The following PCNX2 variants were observed in gnomAD, a reference collection of about 807,000 sequenced individuals.
PCNX2 encodes the protein pecanex-like protein 2.
In PCNX2, 168 loss-of-function variants were observed where a neutral mutation model predicts 223.8. The observed-to-expected ratio is 0.75, with a 90% CI of 0.66 to 0.85. PCNX2 has a LOEUF of 0.85. PCNX2 is among the 40% of genes least tolerant of loss of function. PCNX2 has a pLI of 0.00. For synonymous variants in PCNX2, 1,006 were observed against 1,052.6 expected (o/e 0.96, Z 0.86); for missense variants, 2,507 against 2,675.5 (o/e 0.94, Z 1.39).
At chr1:233,268,492 C>T (rs186868778) in intron 1 of PCNX2, among the ~76,000 whole-genome samples, 301 of 152,250 alleles carry the variant, frequency 2.0e-3, no homozygotes, top group Admixed American at 5.7e-3. Context: ...CTTTATCACT[C>T]GGCTTTCACA....
intron 21 of PCNX2, chr1:233,112,877 G>A (rs761973158): frequency 4.3e-5 from 56 of 1,288,866 alleles, no homozygotes; most frequent in Non-Finnish European, 4.9e-5. Context: ...AGTTACTAGC[G>A]TGTATTTCAG....
At chr1:233,188,522 G>A (rs1347323590) in intron 15 of PCNX2, among the ~76,000 whole-genome samples, 1 of 152,066 alleles carries the variant, frequency 6.6e-6, no homozygotes, top group African/African-American at 2.4e-5. Flanking sequence ...GACCCACTCA[G>A]AGTAATCTCC....
chr1:233,324,857 G>C, the PCNX2 span, among the ~76,000 whole-genome samples: 39 of 152,144 alleles, frequency 2.6e-4, no homozygotes, highest in African/African-American at 9.4e-4. Flanking sequence ...CCAAAGTGCT[G>C]GGATTACAGG....
Position 233,198,921 on chromosome 1 carries a change from C to CATGGTCCTCA in PCNX2, c.3066+8_3066+17dup. 1 of 1,574,086 alleles carries CATGGTCCTCA rather than the reference C, an allele frequency of 6.4e-7. No individual in the cohort carries two copies. Among genetic ancestry groups the CATGGTCCTCA allele is most frequent in the Non-Finnish European group, 8.7e-7 (1 of 1,153,194 alleles). ...TAATGAATCGAGAAGGATGAGGGCC[C>CATGGTCCTCA]ATGGTCCTCACACCTACCTTCACTG... On this transcript the variant is annotated intron_variant, in intron 15 of 33. Coordinates refer to ENST00000258229, the MANE Select transcript of PCNX2 (RefSeq NM_014801.4).
At chr1:233,085,326 C>T (rs140084065) in intron 23 of PCNX2, among the ~76,000 whole-genome samples, 5 of 100,816 alleles carry the variant, frequency 5.0e-5, no homozygotes, top group Admixed American at 8.5e-5. Flanking sequence ...AGTGAGACTC[C>T]GTCTCAAAAA....
intron 5 of PCNX2, among the ~76,000 whole-genome samples, chr1:233,256,066 G>A (rs1659718043): frequency 6.6e-6 from 1 of 152,082 alleles, no homozygotes; most frequent in Admixed American, 6.5e-5. Context: ...CCTTCCTGCT[G>A]TACCTTCAAG....
At chr1:233,087,532 C>T (rs1055176136) in intron 23 of PCNX2, among the ~76,000 whole-genome samples, 2 of 152,160 alleles carry the variant, frequency 1.3e-5, no homozygotes, top group African/African-American at 4.8e-5. Flanking sequence ...CACTAAAACT[C>T]ATTAATGAGG....
rs190476716 is a variant in PCNX2 at position 233,143,751 on chromosome 1, C to T, written c.3518-3896G>A. ...TCCCTTCTTTTCTGTCTTCCATGCT[C>T]TTAATCACTTTTGCCTAAAAAATTA... On this transcript the variant is annotated intron_variant, in intron 19 of 33. Transcript: ENST00000258229. Among the ~76,000 whole-genome samples the T allele has an allele frequency of 5.1e-3, 784 of 152,248 alleles. 6 individuals carry two copies. Among genetic ancestry groups the T allele is most frequent in the Non-Finnish European group, 6.4e-3 (435 of 68,010 alleles).
At chr1:233,056,484 T>C (rs1233078247) in intron 24 of PCNX2, among the ~76,000 whole-genome samples, 1 of 152,236 alleles carries the variant, frequency 6.6e-6, no homozygotes, top group Non-Finnish European at 1.5e-5. Context: ...GTCCCACAGC[T>C]GCACCTCAGA....
At position 233,139,850 on chromosome 1, in the gene PCNX2, C is replaced by T. The variant is rs1251472752; in HGVS notation, c.3523G>A (p.Ala1175Thr). 6.2e-7 allele frequency: 1 copy of T among 1,611,110 alleles called. No homozygotes were observed. Among genetic ancestry groups the T allele is most frequent in the Non-Finnish European group, 8.5e-7 (1 of 1,178,880 alleles). The change falls in exon 20 of 34, where the codon GCC becomes ACC. Residue 1175 changes from alanine (A) to threonine (T), a missense_variant. This residue lies in a region of PCNX2 where 1,372 missense variants were observed against 1,509.4 expected (regional missense o/e 0.91). Coordinates refer to ENST00000258229, the MANE Select transcript of PCNX2 (RefSeq NM_014801.4). The surrounding 1 kb of genome is among the most constrained non-coding windows in gnomAD (Gnocchi z 4.4). Reference sequence around the variant, plus strand: ...AGTCTTTCGAACCACATTAAATGGGCAACATCTGAAAGAAATATAAAAACC... The same window carrying T: ...AGTCTTTCGAACCACATTAAATGGGTAACATCTGAAAGAAATATAAAAACC... ...EYHQREVRDV[A>T]HLMWFERLYV... is the part of the protein sequence containing the mutation.
chr1:232,996,459 G>A (rs1363087178), intron 32 of PCNX2, among the ~76,000 whole-genome samples: 1 of 152,106 alleles, frequency 6.6e-6, no homozygotes, highest in Non-Finnish European at 1.5e-5. Flanking sequence ...AGGCCTGGGA[G>A]CTGCATGGGA....
chr1:233,038,233 CATAAGA>C (rs1034765605), intron 25 of PCNX2, among the ~76,000 whole-genome samples: 3 of 152,088 alleles, frequency 2.0e-5, no homozygotes, highest in African/African-American at 7.2e-5. Context: ...AGTTTAGAAG[CATAAGA>C]ATAAGAAATG....
At chr1:233,178,024 TATA>T in intron 16 of PCNX2, 126 bp from the exon 17 acceptor site, 2 of 690,842 alleles carry the variant, frequency 2.9e-6, no homozygotes, top group South Asian at 2.0e-5. Context: ...TTTAAAAATT[TATA>T]ATAAAAAGAG....
chr1:232,991,879 C>T lies in PCNX2; in HGVS notation c.5792-5339G>A, dbSNP rs1030740356. Among the ~76,000 whole-genome samples, 1 of 152,176 alleles carries T rather than the reference C, an allele frequency of 6.6e-6. No individual in the cohort carries two copies. Among genetic ancestry groups the T allele is most frequent in the Non-Finnish European group, 1.5e-5 (1 of 68,048 alleles). ...CAGTAGGTTCATGCTGTTTAAGCCA[C>T]CTGAGCCATGGTACTTTGTCATGGC... On this transcript the variant is annotated intron_variant, in intron 32 of 33. Transcript: ENST00000258229. This position sits in a 1 kb window ranked among gnomAD's most constrained non-coding sequence, Gnocchi z 4.3.
At chr1:233,297,206 C>A (rs1662172826), upstream of PCNX2, among the ~76,000 whole-genome samples, 1 of 152,210 alleles carries the variant, frequency 6.6e-6, no homozygotes, top group Non-Finnish European at 1.5e-5. Context: ...AAAGGTCATG[C>A]AACAGTCTGT....
chr1:233,224,518 C>T (rs1462103896), intron 10 of PCNX2, among the ~76,000 whole-genome samples: 1 of 152,094 alleles, frequency 6.6e-6, no homozygotes, highest in Non-Finnish European at 1.5e-5. Flanking sequence ...TGCTTTCTTC[C>T]GCTTCCTGCC....
chr1:233,293,715 A>T (rs564228233), intron 1 of PCNX2, among the ~76,000 whole-genome samples: 10 of 152,324 alleles, frequency 6.6e-5, no homozygotes, highest in African/African-American at 2.2e-4. Flanking sequence ...AGGTACTAAG[A>T]AGTACTTTCA....
At chr1:233,290,963 C>A (rs1030684660) in intron 1 of PCNX2, 1 of 985,328 alleles carries the variant, frequency 1.0e-6, no homozygotes, top group African/African-American at 1.7e-5. Context: ...AAAGTTCCAA[C>A]CCATTCTTCC....
intron 13 of PCNX2, among the ~76,000 whole-genome samples, chr1:233,203,278 C>T (rs1453959840): frequency 1.3e-5 from 2 of 152,174 alleles, no homozygotes; most frequent in African/African-American, 4.8e-5. Context: ...GGCTTTCTCA[C>T]CCACAGGATA....
Sources: gnomAD v4.1 joint callset for allele counts (sites outside exome capture counted in the v4.1 genomes callset) on GRCh38, gnomAD v4.1.1 for gene constraint, gnomAD v4.1.1 regional missense constraint, Gnocchi (gnomAD v3.1) non-coding constraint, MANE v1.5 for transcripts, NCBI Gene and HGNC (gene_info 2026-07-23, HGNC 2026-07-21) for gene names.